The following NPAS3 variants were observed in gnomAD, a reference collection of about 807,000 sequenced individuals.
The protein encoded by NPAS3 is neuronal PAS domain-containing protein 3.
NPAS3 carries 14 observed loss-of-function variants against 73.1 expected under a neutral mutation model. That is an observed-to-expected ratio of 0.19 (90% CI 0.13 to 0.30). The LOEUF is 0.30. Ranked by LOEUF, NPAS3 falls within the 10% of genes least tolerant of loss-of-function variation. The pLI, the probability that NPAS3 is intolerant of heterozygous loss-of-function variation, is 1.00. For synonymous variants in NPAS3, 620 were observed against 541.5 expected (o/e 1.14, Z -2.01); for missense variants, 1,096 against 1,250.0 (o/e 0.88, Z 1.86).
At chr14:33,179,918 T>A (rs150109310) in intron 2 of NPAS3, among the ~76,000 whole-genome samples, 1 of 152,236 alleles carries the variant, frequency 6.6e-6, no homozygotes, top group Non-Finnish European at 1.5e-5. Flanking sequence ...ACAACGTGAT[T>A]CTTCTATGTA....
intron 6 of NPAS3, among the ~76,000 whole-genome samples, chr14:33,728,992 T>C (rs528653191): frequency 6.6e-6 from 1 of 152,280 alleles, no homozygotes; most frequent in Admixed American, 6.5e-5. Context: ...TGTCACTTTA[T>C]TTTGACACGT....
intron 4 of NPAS3, among the ~76,000 whole-genome samples, chr14:33,399,633 C>A (rs1463671378): frequency 6.6e-6 from 1 of 150,760 alleles, no homozygotes; most frequent in African/African-American, 2.4e-5. Flanking sequence ...TGTCCTGAAC[C>A]CTTGATTAGT....
chr14:33,313,089 T>C (rs2043070056), intron 3 of NPAS3, among the ~76,000 whole-genome samples: 2 of 151,996 alleles, frequency 1.3e-5, no homozygotes, highest in Admixed American at 6.6e-5. Flanking sequence ...TTTTTGGCAG[T>C]ACAATAAGTT....
intron 2 of NPAS3, among the ~76,000 whole-genome samples, chr14:33,078,608 T>A (rs1383856484): frequency 6.6e-6 from 1 of 151,652 alleles, no homozygotes; most frequent in Non-Finnish European, 1.5e-5. Flanking sequence ...CAGGTATCAG[T>A]TAAGAAAGAG....
At chr14:32,979,486 A>G (rs2037813495) in intron 1 of NPAS3, among the ~76,000 whole-genome samples, 1 of 152,198 alleles carries the variant, frequency 6.6e-6, no homozygotes, top group Non-Finnish European at 1.5e-5. Flanking sequence ...GTCTCGGGGA[A>G]TGAAGGTATC....
At chr14:33,316,342 G>A (rs1952302) in intron 3 of NPAS3, among the ~76,000 whole-genome samples, 54,366 of 151,824 alleles carry the variant, frequency 0.36, 10,089 homozygotes, top group East Asian at 0.59. Context: ...TGGAAAATAC[G>A]TGAGCAGCAA....
chr14:33,803,691 G>A (rs1394702427), downstream of NPAS3: 1 of 130,296 alleles, frequency 7.7e-6, no homozygotes, highest in Non-Finnish European at 1.6e-5. Context: ...TAAATTCATA[G>A]TGTTGAAAAT....
chr14:33,141,846 A>G (rs2044058454), intron 2 of NPAS3, among the ~76,000 whole-genome samples: 1 of 152,200 alleles, frequency 6.6e-6, no homozygotes, highest in Admixed American at 6.5e-5. Flanking sequence ...ATACGTATCG[A>G]TAGATAGCTT....
intron 5 of NPAS3, among the ~76,000 whole-genome samples, chr14:33,675,489 A>AT (rs2059735720): frequency 6.6e-6 from 1 of 152,234 alleles, no homozygotes; most frequent in African/African-American, 2.4e-5. Flanking sequence ...AAAATAAAAC[A>AT]TTTTTTAAAA....
chr14:33,632,220 T>G (rs992098893), intron 5 of NPAS3, among the ~76,000 whole-genome samples: 1 of 152,184 alleles, frequency 6.6e-6, no homozygotes, highest in African/African-American at 2.4e-5. Flanking sequence ...CGTGTCAACT[T>G]TAGCCATACC....
intron 2 of NPAS3, among the ~76,000 whole-genome samples, chr14:33,198,446 C>T (rs1016240274): frequency 1.5e-4 from 23 of 152,142 alleles, no homozygotes; most frequent in African/African-American, 5.6e-4. Context: ...CTGATTGGTG[C>T]ATTTACAATC....
At chr14:33,035,322 A>G (rs868022196) in intron 1 of NPAS3, among the ~76,000 whole-genome samples, 70 of 152,026 alleles carry the variant, frequency 4.6e-4, no homozygotes, top group Admixed American at 2.0e-3. Flanking sequence ...TTTTATTTTG[A>G]TGGGGCTAGG....
intron 4 of NPAS3, among the ~76,000 whole-genome samples, chr14:33,466,679 G>T (rs1490053286): frequency 1.3e-5 from 2 of 152,138 alleles, no homozygotes; most frequent in African/African-American, 4.8e-5. Flanking sequence ...TACAATCGTG[G>T]TGGAAGGCAA....
intron 4 of NPAS3, among the ~76,000 whole-genome samples, chr14:33,437,848 G>A (rs2049056596): frequency 6.6e-6 from 1 of 152,170 alleles, no homozygotes; most frequent in Non-Finnish European, 1.5e-5. Context: ...TGTGTTCAAG[G>A]ACCAGGAGAA....
intron 7 of NPAS3, among the ~76,000 whole-genome samples, chr14:33,758,583 G>T (rs2062187826): frequency 6.6e-6 from 1 of 152,212 alleles, no homozygotes; most frequent in Non-Finnish European, 1.5e-5. Context: ...TAATTTCTGT[G>T]TCCTCTAATG....
intron 2 of NPAS3, among the ~76,000 whole-genome samples, chr14:33,125,514 G>C (rs1159354822): frequency 1.3e-5 from 2 of 152,108 alleles, no homozygotes; most frequent in Non-Finnish European, 2.9e-5. Context: ...TGATCAATCT[G>C]TGAGCAAAGG....
chr14:32,972,642 CT>C (rs1289494374), intron 1 of NPAS3, among the ~76,000 whole-genome samples: 1 of 152,208 alleles, frequency 6.6e-6, no homozygotes, highest in Non-Finnish European at 1.5e-5. Flanking sequence ...TGCTCTCCCT[CT>C]TATTAAAATC....
chr14:33,678,731 A>C (rs1374173288), intron 6 of NPAS3, among the ~76,000 whole-genome samples: 1 of 143,244 alleles, frequency 7.0e-6, no homozygotes, highest in East Asian at 2.2e-4. Context: ...CCCCAAATAC[A>C]TGTTGACAGT....
intron 2 of NPAS3, among the ~76,000 whole-genome samples, chr14:33,089,638 ATACAGAG>A (rs2042155464): frequency 1.3e-5 from 2 of 152,186 alleles, no homozygotes; most frequent in Non-Finnish European, 2.9e-5. Flanking sequence ...AATTGAGGAA[ATACAGAG>A]AACACCACAA....
Sources: gnomAD v4.1 joint callset for allele counts (sites outside exome capture counted in the v4.1 genomes callset) on GRCh38, gnomAD v4.1.1 for gene constraint, MANE v1.5 for transcripts, NCBI Gene and HGNC (gene_info 2026-07-23, HGNC 2026-07-21) for gene names.